The following BRWD1 variants were observed in gnomAD, a reference collection of about 807,000 sequenced individuals.
The protein encoded by BRWD1 is bromodomain and WD repeat domain containing 1.
A neutral mutation model predicts 251.2 loss-of-function variants in BRWD1; 82 were observed. That is an observed-to-expected ratio of 0.33 (90% confidence interval 0.27 to 0.39). The LOEUF (loss-of-function observed/expected upper bound fraction) is 0.39. Among genes scored for constraint, BRWD1 ranks in the 10% least tolerant of loss-of-function variants. The probability of loss-of-function intolerance (pLI) is 1.00; values close to 1 mark genes in which losing one functional copy is unlikely to be tolerated. For synonymous variants in BRWD1, 918 were observed against 902.8 expected, an observed-to-expected ratio of 1.02 and a Z score of -0.30; for missense variants, 2,233 against 2,711.6, an observed-to-expected ratio of 0.82 and a Z score of 3.92.
Position 39,213,515 on chromosome 21 carries a change from G to A in BRWD1, c.3824C>T (p.Thr1275Ile). The A allele has an allele frequency of 1.2e-6, 2 of 1,612,096 alleles. No homozygotes were observed. Among genetic ancestry groups the A allele is most frequent in the Non-Finnish European group, 1.7e-6 (2 of 1,179,252 alleles). The change falls in exon 33 of 41, where the codon ACA becomes ATA. Residue 1275 changes from threonine (T) to isoleucine (I), a missense_variant. Transcript: ENST00000342449. ...AGCATTTTGCTCATCATTTTCAGAT[G>A]TGTTAGAAAGTTCTGAGATATTTGT... ...HCTNISELSN[T>I]SENDEQNAED...
At chr21:39,254,226 T>C (rs2034490840) in intron 19 of BRWD1, among the ~76,000 whole-genome samples, 1 of 152,150 alleles carries the variant, frequency 6.6e-6, no homozygotes, top group South Asian at 2.1e-4. Flanking sequence ...GATCGTGCCA[T>C]TGCACTCCAG....
intron 31 of BRWD1, chr21:39,216,770 T>C (rs2836940): frequency 0.47 from 163,413 of 346,846 alleles, 39,173 homozygotes; most frequent in Admixed American, 0.56. Flanking sequence ...GTTCAGACCA[T>C]TGCTTACAGA....
chr21:39,291,968 A>T (rs1187185261), intron 8 of BRWD1, among the ~76,000 whole-genome samples: 1 of 151,786 alleles, frequency 6.6e-6, no homozygotes, highest in Non-Finnish European at 1.5e-5. Flanking sequence ...TTATTTTTTG[A>T]GGCAGTCTCA....
At chr21:39,309,804 G>C (rs8129147) in intron 4 of BRWD1, among the ~76,000 whole-genome samples, 2 of 137,424 alleles carry the variant, frequency 1.5e-5, no homozygotes, top group Non-Finnish European at 3.0e-5. Flanking sequence ...CAGCCTGGGC[G>C]ACAGAGCGAG....
chr21:39,252,480 T>C (rs911027426), intron 19 of BRWD1, among the ~76,000 whole-genome samples: 1 of 152,184 alleles, frequency 6.6e-6, no homozygotes, highest in African/African-American at 2.4e-5. Flanking sequence ...TTAAATACTC[T>C]TCATCCTTAT....
chr21:39,280,534 A>G (rs2035423469), intron 8 of BRWD1, among the ~76,000 whole-genome samples: 1 of 152,190 alleles, frequency 6.6e-6, no homozygotes, highest in Admixed American at 6.5e-5. Context: ...CAGAGTGTTA[A>G]TAATTAAAAT....
Position 39,192,773 on chromosome 21 carries a change from G to T in BRWD1, c.*3486C>A, listed in dbSNP as rs1382652078. Reference sequence around the variant, plus strand: ...GAAAGGAAAACAAAAAAGATCGTAAGCACCTTTAACAATGTTCTTGCATTC... The same window carrying T: ...GAAAGGAAAACAAAAAAGATCGTAATCACCTTTAACAATGTTCTTGCATTC... On this transcript the variant is annotated 3_prime_UTR_variant, in exon 41 of 41. Coordinates refer to ENST00000342449, the MANE Select transcript of BRWD1 (RefSeq NM_033656.4). 2.0e-6 allele frequency: 2 copies of T among 985,152 alleles called. No homozygotes were observed. The highest frequency in any genetic ancestry group is 2.4e-6 in the Non-Finnish European group (2 of 829,758). The allele number at this position is 985,152 out of a possible 1,614,324, so 61.0% of individuals were successfully genotyped here.
intron 36 of BRWD1, among the ~76,000 whole-genome samples, chr21:39,207,498 AAAC>A (rs1461428135): frequency 7.3e-5 from 11 of 151,410 alleles, no homozygotes; most frequent in South Asian, 2.1e-4. Flanking sequence ...AAAACTCCAA[AAAC>A]AACAAGTGTT....
Position 39,193,135 on chromosome 21 carries a change from T to C in BRWD1, c.*3124A>G. On this transcript the variant is annotated 3_prime_UTR_variant, in exon 41 of 41. Transcript: ENST00000342449. Reference sequence around the variant, plus strand: ...CATTTGCCCTTCTGTTTTGAAGTGCTTTTTCTTAAAACTTAAGTTCTTTGC... The same window carrying C: ...CATTTGCCCTTCTGTTTTGAAGTGCCTTTTCTTAAAACTTAAGTTCTTTGC... The C allele has an allele frequency of 1.0e-6, 1 of 985,144 alleles. No homozygotes were observed. The highest frequency in any genetic ancestry group is 4.7e-5 in the South Asian group (1 of 21,286). 61.0% of individuals were successfully genotyped at this position (985,144 alleles called of 1,614,324 possible). A position where few individuals can be genotyped will look rare whatever the true frequency, so the allele number is the denominator to read the frequency against.
chr21:39,227,489 T>G (rs546757758), intron 27 of BRWD1, among the ~76,000 whole-genome samples: 6 of 152,258 alleles, frequency 3.9e-5, no homozygotes, highest in Admixed American at 3.9e-4. Flanking sequence ...TCTGAATAAG[T>G]GAGCCCTCCT....
Position 39,191,728 on chromosome 21 carries a change from G to A in BRWD1, c.*4531C>T, listed in dbSNP as rs1260272003. On this transcript the variant is annotated 3_prime_UTR_variant, in exon 41 of 41. Coordinates refer to ENST00000342449, the MANE Select transcript of BRWD1 (RefSeq NM_033656.4). ...AATGATTTACCTTGTAAAACAAAGG[G>A]GTAGAGCTGCTACAGTCCATCTAGG... 1 of 985,070 alleles carries A rather than the reference G, an allele frequency of 1.0e-6. No homozygotes were observed. The highest frequency in any genetic ancestry group is 1.2e-6 in the Non-Finnish European group (1 of 829,852). 61.0% of individuals were successfully genotyped at this position (985,070 alleles called of 1,614,324 possible).
intron 9 of BRWD1, 107 bp downstream of exon 9, chr21:39,280,041 A>G (rs2035408636): frequency 2.5e-6 from 2 of 801,154 alleles, no homozygotes; most frequent in Admixed American, 3.6e-5. Context: ...AAAGGTTAAA[A>G]AAAAGCAACA....
chr21:39,269,679 G>A (rs2035039850), intron 15 of BRWD1, among the ~76,000 whole-genome samples: 1 of 152,060 alleles, frequency 6.6e-6, no homozygotes, highest in Admixed American at 6.6e-5. Flanking sequence ...TGCTCAACAG[G>A]TAACTTAAAA....
Position 39,187,153 on chromosome 21 carries a change from T to C in BRWD1, c.*9106A>G. 6.2e-7 allele frequency: 1 copy of C among 1,613,832 alleles called. No homozygotes were observed. Among genetic ancestry groups the C allele is most frequent in the Non-Finnish European group, 8.5e-7 (1 of 1,179,920 alleles). On this transcript the variant is annotated 3_prime_UTR_variant, in exon 41 of 41. Coordinates refer to ENST00000342449, the MANE Select transcript of BRWD1 (RefSeq NM_033656.4). Reference sequence around the variant, plus strand: ...ATCCTCTTTATAAACATTCAGTAATTTTTTCTTAGCCGCAGCAGAAGCATT... The same window carrying C: ...ATCCTCTTTATAAACATTCAGTAATCTTTTCTTAGCCGCAGCAGAAGCATT...
At position 39,229,440 on chromosome 21, in the gene BRWD1, TAACA is replaced by T; in HGVS notation, c.3001-8_3001-5del. 1 of 1,602,798 alleles carries T rather than the reference TAACA, an allele frequency of 6.2e-7. No individual in the cohort carries two copies. Among genetic ancestry groups the T allele is most frequent in the Non-Finnish European group, 8.5e-7 (1 of 1,171,170 alleles). Reference sequence around the variant, plus strand: ...CTATTTTAACCAATTCTTGATCCTTTAACAGACATATTTTTTAATGGTTAAAATA... The same window carrying T: ...CTATTTTAACCAATTCTTGATCCTTTGACATATTTTTTAATGGTTAAAATA... On this transcript the variant is annotated splice_region_variant and splice_polypyrimidine_tract_variant and intron_variant, in intron 25 of 40. Transcript: ENST00000342449.
At chr21:39,221,596 T>C (rs140009819) in intron 29 of BRWD1, among the ~76,000 whole-genome samples, 2 of 152,318 alleles carry the variant, frequency 1.3e-5, no homozygotes, top group African/African-American at 4.8e-5. Flanking sequence ...GAAGAAATTA[T>C]GATATCCCAA....
chr21:39,264,729 A>G (rs769369294), intron 16 of BRWD1, 44 bp from the exon 17 acceptor site: 29 of 1,510,886 alleles, frequency 1.9e-5, no homozygotes, highest in Non-Finnish European at 2.6e-5. Context: ...AGGTTCACAC[A>G]TTTTAAAGGA....
chr21:39,192,357 T>A lies in BRWD1; in HGVS notation c.*3902A>T. 1 of 985,242 alleles carries A rather than the reference T, an allele frequency of 1.0e-6. No individual in the cohort carries two copies. The highest frequency in any genetic ancestry group is 1.2e-6 in the Non-Finnish European group (1 of 829,802). The allele number at this position is 985,242 out of a possible 1,614,324, so 61.0% of individuals were successfully genotyped here. ...TCCCACAATGCTCTATTTTCTCACC[T>A]AGTTTTGACAAATTTATTCCTTCTC... is the stretch of plus-strand genomic sequence containing the variant. On this transcript the variant is annotated 3_prime_UTR_variant, in exon 41 of 41. Coordinates refer to ENST00000342449, the MANE Select transcript of BRWD1 (RefSeq NM_033656.4).
chr21:39,254,573 C>T (rs1312595041), intron 19 of BRWD1, among the ~76,000 whole-genome samples: 1 of 152,182 alleles, frequency 6.6e-6, no homozygotes. Context: ...AGGAATAAAT[C>T]TTTATTTTGA....
Sources: gnomAD v4.1 joint callset for allele counts (sites outside exome capture counted in the v4.1 genomes callset) on GRCh38, gnomAD v4.1.1 for gene constraint, MANE v1.5 for transcripts, NCBI Gene and HGNC (gene_info 2026-07-23, HGNC 2026-07-21) for gene names.